Variants in PTPRN2 observed in about 807,000 individuals in gnomAD.
PTPRN2 encodes receptor-type tyrosine-protein phosphatase N2.
Under a neutral mutation model 118.8 loss-of-function variants are expected in PTPRN2, and 74 were observed. The observed-to-expected ratio is 0.62, with a 90% CI of 0.52 to 0.76. PTPRN2 has a LOEUF of 0.76. Ranked by LOEUF, PTPRN2 falls within the 30% of genes least tolerant of loss-of-function variation. PTPRN2 has a pLI of 0.00. For missense variants in PTPRN2, 1,481 were observed against 1,394.4 expected (o/e 1.06, Z -0.99); for synonymous variants, 641 against 608.0 (o/e 1.05, Z -0.80).
intron 1 of PTPRN2, among the ~76,000 whole-genome samples, chr7:158,540,515 A>G (rs899911967): frequency 1.3e-5 from 2 of 152,062 alleles, no homozygotes; most frequent in African/African-American, 4.8e-5. Context: ...CCTGTGCTCC[A>G]TGGGAGGAAA....
intron 3 of PTPRN2, among the ~76,000 whole-genome samples, chr7:158,262,285 CACACACACCGCACACACAT>C (rs1797458830): frequency 1.3e-5 from 2 of 151,954 alleles, no homozygotes; most frequent in Non-Finnish European, 2.9e-5. Flanking sequence ...TACACACATT[CACACACACCGCACACACAT>C]TCACACACTG....
At chr7:157,648,999 C>T (rs1218120599) in intron 14 of PTPRN2, among the ~76,000 whole-genome samples, 5 of 143,298 alleles carry the variant, frequency 3.5e-5, no homozygotes, top group Admixed American at 7.1e-5. Context: ...GCACTGAACT[C>T]GGTGGGTCGG....
chr7:157,833,739 C>T lies in PTPRN2; in HGVS notation c.1788+64934G>A, dbSNP rs75198449. ...CAGCCGTTAGTATGATGATCTTATC[C>T]GCTGCTTCAATTTCCTTCCAGATAA... On this transcript the variant is annotated intron_variant, in intron 12 of 22. Coordinates refer to ENST00000389418, the MANE Select transcript of PTPRN2 (RefSeq NM_002847.5). 4.4e-3 allele frequency among the ~76,000 whole-genome samples: 671 copies of T among 152,340 alleles called. 9 individuals are homozygous for T. Among genetic ancestry groups the T allele is most frequent in the South Asian group, 0.037 (180 of 4,830 alleles).
rs1175720059 is a variant in PTPRN2 at position 157,583,694 on chromosome 7, G to A, written c.2497-5554C>T. ...AGGTCAGGAGTTCGAGACTAGCCTC[G>A]CCAACATGGCAAAACCCTGTCTTTA... On this transcript the variant is annotated intron_variant, in intron 17 of 22. Coordinates refer to ENST00000389418, the MANE Select transcript of PTPRN2 (RefSeq NM_002847.5). The surrounding 1 kb of genome is among the most constrained non-coding windows in gnomAD (Gnocchi z 5.5). 2.6e-5 allele frequency among the ~76,000 whole-genome samples: 4 copies of A among 152,184 alleles called. No individual in the cohort carries two copies. Among genetic ancestry groups the A allele is most frequent in the Non-Finnish European group, 5.9e-5 (4 of 68,036 alleles).
intron 11 of PTPRN2, among the ~76,000 whole-genome samples, chr7:157,975,705 T>C (rs4716858): frequency 0.51 from 77,850 of 151,992 alleles, 19,999 homozygotes; most frequent in Admixed American, 0.58. Flanking sequence ...TGTCTGGTAT[T>C]CATGTTCAAA....
At chr7:158,024,620 A>T (rs1807132477) in intron 11 of PTPRN2, among the ~76,000 whole-genome samples, 1 of 152,190 alleles carries the variant, frequency 6.6e-6, no homozygotes, top group African/African-American at 2.4e-5. Flanking sequence ...GACGACCACC[A>T]GGATGTGGCT....
At chr7:158,454,163 T>C (rs1029512740) in intron 2 of PTPRN2, among the ~76,000 whole-genome samples, 38 of 149,012 alleles carry the variant, frequency 2.6e-4, no homozygotes, top group African/African-American at 5.3e-4. Flanking sequence ...ATGGTTGCTA[T>C]GGAGGACAGA....
chr7:158,530,623 G>GT (rs1781581370), intron 1 of PTPRN2, among the ~76,000 whole-genome samples: 1 of 152,232 alleles, frequency 6.6e-6, no homozygotes, highest in African/African-American at 2.4e-5. Context: ...GCGTGTGCCT[G>GT]TGAGCACCCA....
chr7:157,818,616 T>A (rs922126539), intron 12 of PTPRN2, among the ~76,000 whole-genome samples: 4 of 151,798 alleles, frequency 2.6e-5, no homozygotes, highest in Non-Finnish European at 5.9e-5. Flanking sequence ...TGTGGCTGAG[T>A]GATGAGGGGC....
intron 1 of PTPRN2, among the ~76,000 whole-genome samples, chr7:158,573,362 A>G (rs150645198): frequency 6.6e-6 from 1 of 152,328 alleles, no homozygotes; most frequent in Admixed American, 6.5e-5. Context: ...ATTTTCAGAA[A>G]AAGATTATGT....
At position 158,073,475 on chromosome 7, in the gene PTPRN2, G is replaced by A. The variant is rs548150632; in HGVS notation, c.1723+7823C>T. Among the ~76,000 whole-genome samples the A allele has an allele frequency of 1.5e-3, 230 of 152,272 alleles. 1 individual carries two copies. Among genetic ancestry groups the A allele is most frequent in the Middle Eastern group, 3.4e-3 (1 of 294 alleles). On this transcript the variant is annotated intron_variant, in intron 11 of 22. Coordinates refer to ENST00000389418, the MANE Select transcript of PTPRN2 (RefSeq NM_002847.5). ...GGGCACCCCTTGCTTTCCTCCTTCA[G>A]GTCTCAAAGCTATGCCCTGCCCAGC...
intron 2 of PTPRN2, among the ~76,000 whole-genome samples, chr7:158,435,977 A>G (rs1350048396): frequency 6.6e-6 from 1 of 152,224 alleles, no homozygotes; most frequent in South Asian, 2.1e-4. Flanking sequence ...CTGCAGGATG[A>G]ACGAGTGCTA....
rs1584914322 is a variant in PTPRN2, at chr7:157,868,322, T to A, written c.1788+30351A>T. On this transcript the variant is annotated intron_variant, in intron 12 of 22. Transcript: ENST00000389418. The surrounding 1 kb of genome is among the most constrained non-coding windows in gnomAD (Gnocchi z 5.2). Reference sequence around the variant, plus strand: ...GCCTGGAGTTTGCCAAGTGATGAGTTTTCCTGTCTGAGCTTGTTTCCATCA... The same window carrying A: ...GCCTGGAGTTTGCCAAGTGATGAGTATTCCTGTCTGAGCTTGTTTCCATCA... Among the ~76,000 whole-genome samples the A allele has an allele frequency of 6.6e-6, 1 of 152,188 alleles. No homozygotes were observed. Among genetic ancestry groups the A allele is most frequent in the African/African-American group, 2.4e-5 (1 of 41,450 alleles).
intron 12 of PTPRN2, among the ~76,000 whole-genome samples, chr7:157,753,161 C>G (rs918103400): frequency 6.6e-6 from 1 of 152,218 alleles, no homozygotes; most frequent in Non-Finnish European, 1.5e-5. Flanking sequence ...AAATCCTAAA[C>G]GCCTCCCTCT....
chr7:158,340,979 A>G, intron 2 of PTPRN2, among the ~76,000 whole-genome samples: 1 of 79,652 alleles, frequency 1.3e-5, no homozygotes, highest in Admixed American at 1.3e-4. Context: ...TGTCACTCAC[A>G]CCCACACTCT....
At chr7:157,896,235 C>A (rs1797105706) in intron 12 of PTPRN2, among the ~76,000 whole-genome samples, 1 of 151,650 alleles carries the variant, frequency 6.6e-6, no homozygotes, top group South Asian at 2.1e-4. Flanking sequence ...CACAGGTGCC[C>A]AGCAGAGGAC....
rs187379848 is a variant in PTPRN2, at chr7:158,456,331, G to A, written c.163+33404C>T. On this transcript the variant is annotated intron_variant, in intron 2 of 22. Transcript: ENST00000389418. ...ATGCCATCAGCCACAGCCACCCATCGCTCTGCAGAGAAGATAACAGCATGG... is the reference window on the plus strand; with the variant it reads ...ATGCCATCAGCCACAGCCACCCATCACTCTGCAGAGAAGATAACAGCATGG... Among the ~76,000 whole-genome samples, 715 of 138,626 alleles carry A rather than the reference G, an allele frequency of 5.2e-3. 17 individuals are homozygous for A. Among genetic ancestry groups the A allele is most frequent in the East Asian group, 1.8e-3 (8 of 4,420 alleles). The allele number at this position is 138,626 out of a possible 152,430, so 90.9% of individuals were successfully genotyped here. A position where few individuals can be genotyped will look rare whatever the true frequency, so the allele number is the denominator to read the frequency against.
At chr7:158,207,475 T>C (rs1336335297) in intron 3 of PTPRN2, among the ~76,000 whole-genome samples, 1 of 152,086 alleles carries the variant, frequency 6.6e-6, no homozygotes, top group Non-Finnish European at 1.5e-5. Flanking sequence ...AAAGAGCTTC[T>C]GCACAGCAAA....
chr7:157,645,944 C>T (rs1232768054), intron 14 of PTPRN2, among the ~76,000 whole-genome samples: 1 of 152,236 alleles, frequency 6.6e-6, no homozygotes, highest in African/African-American at 2.4e-5. Flanking sequence ...GCTTAGGTCA[C>T]TGTAAAGCTG....
Sources: allele counts gnomAD v4.1 joint callset (sites outside exome capture counted in the v4.1 genomes callset), GRCh38; gene constraint gnomAD v4.1.1; non-coding constraint Gnocchi (gnomAD v3.1); transcripts MANE v1.5; gene names NCBI Gene and HGNC (gene_info 2026-07-23, HGNC 2026-07-21).